Variants in GRM5 observed in about 807,000 individuals in gnomAD.
GRM5 encodes glutamate metabotropic receptor 5.
In GRM5, 19 loss-of-function variants were observed where a neutral mutation model predicts 83.1. The observed-to-expected ratio is 0.23, with a 90% CI of 0.16 to 0.34. GRM5 has a LOEUF of 0.34. GRM5 is among the 10% of genes least tolerant of loss of function. GRM5 has a pLI of 1.00. For missense variants in GRM5, 1,160 were observed against 1,588.3 expected, an observed-to-expected ratio of 0.73 and a Z score of 4.58; for synonymous variants, 675 against 633.6, an observed-to-expected ratio of 1.07 and a Z score of -0.98.
intron 6 of GRM5, among the ~76,000 whole-genome samples, chr11:88,592,980 T>C (rs186058295): frequency 5.9e-5 from 9 of 152,168 alleles, no homozygotes; most frequent in African/African-American, 1.7e-4. Context: ...TGCCCAATTA[T>C]TTTTGTTCCT....
At position 88,971,687 on chromosome 11, in the gene GRM5, T is replaced by C. The variant is rs138853897; in HGVS notation, c.661+75525A>G. On this transcript the variant is annotated intron_variant, in intron 2 of 9. Coordinates refer to ENST00000305447, the MANE Select transcript of GRM5 (RefSeq NM_001143831.3). ...TTTTTAAAATCCAGTTTATTGTTAATGGGCATTTAGGTTGATTCCATATCT... is the reference window on the plus strand; with the variant it reads ...TTTTTAAAATCCAGTTTATTGTTAACGGGCATTTAGGTTGATTCCATATCT... Among the ~76,000 whole-genome samples the C allele has an allele frequency of 4.6e-4, 70 of 152,284 alleles. 1 individual carries two copies. The East Asian group carries it at 0.012, about 26-fold the overall frequency.
chr11:88,710,629 A>G (rs898344339), intron 3 of GRM5, among the ~76,000 whole-genome samples: 1 of 152,136 alleles, frequency 6.6e-6, no homozygotes, highest in Admixed American at 6.6e-5. Flanking sequence ...AAAAATTTGA[A>G]GAAGGCAGTC....
chr11:88,793,176 T>A (rs1165758408), intron 3 of GRM5, among the ~76,000 whole-genome samples: 1 of 152,132 alleles, frequency 6.6e-6, no homozygotes, highest in African/African-American at 2.4e-5. Flanking sequence ...CAATCCTAAC[T>A]GAAAGCACAA....
At chr11:89,001,284 G>C (rs1174836957) in intron 2 of GRM5, among the ~76,000 whole-genome samples, 1 of 151,924 alleles carries the variant, frequency 6.6e-6, no homozygotes, top group Non-Finnish European at 1.5e-5. Context: ...GTTCACAGCA[G>C]AATTATTTGT....
chr11:88,698,775 G>T (rs1346694995), intron 3 of GRM5, among the ~76,000 whole-genome samples: 1 of 152,124 alleles, frequency 6.6e-6, no homozygotes, highest in Non-Finnish European at 1.5e-5. Context: ...AAATTTTCAG[G>T]TCTTGGCATT....
chr11:88,562,005 T>C (rs1298040236), intron 8 of GRM5, among the ~76,000 whole-genome samples: 1 of 152,142 alleles, frequency 6.6e-6, no homozygotes, highest in African/African-American at 2.4e-5. Context: ...ACTAAAGATA[T>C]GAACTACTCT....
At chr11:88,727,258 T>C (rs1941706160) in intron 3 of GRM5, among the ~76,000 whole-genome samples, 1 of 151,932 alleles carries the variant, frequency 6.6e-6, no homozygotes, top group African/African-American at 2.4e-5. Flanking sequence ...TAAAACAGAC[T>C]TTAAACCAAC....
intron 3 of GRM5, among the ~76,000 whole-genome samples, chr11:88,697,311 T>G (rs1271804841): frequency 2.0e-5 from 3 of 152,184 alleles, no homozygotes; most frequent in Non-Finnish European, 4.4e-5. Flanking sequence ...AGTAGTGCCA[T>G]GATGACCCTT....
At position 88,830,507 on chromosome 11, in the gene GRM5, C is replaced by A. The variant is rs552053728; in HGVS notation, c.911+19399G>T. On this transcript the variant is annotated intron_variant, in intron 3 of 9. Transcript: ENST00000305447. ...TTCAACAGAGAAGTAACAGAAAACA[C>A]CTAAGGCAGAAAGGAAAGGGAAGTG... 3.3e-5 allele frequency among the ~76,000 whole-genome samples: 5 copies of A among 152,216 alleles called. No individual in the cohort carries two copies. In the East Asian group the frequency reaches 7.7e-4, roughly 23 times the overall value.
chr11:89,056,333 A>G (rs953616906), intron 1 of GRM5, among the ~76,000 whole-genome samples: 3 of 152,166 alleles, frequency 2.0e-5, no homozygotes, highest in Admixed American at 6.6e-5. Flanking sequence ...TCTTGCTTCT[A>G]TATAAGTTCC....
chr11:88,791,112 G>T (rs947391821), intron 3 of GRM5, among the ~76,000 whole-genome samples: 2 of 152,288 alleles, frequency 1.3e-5, no homozygotes. Flanking sequence ...TAAACCAGTA[G>T]CATGAACAGG....
chr11:88,691,522 T>C (rs1295031442), intron 3 of GRM5, among the ~76,000 whole-genome samples: 1 of 152,206 alleles, frequency 6.6e-6, no homozygotes, highest in Non-Finnish European at 1.5e-5. Context: ...CCAATATCTC[T>C]TTATCATTGA....
At chr11:88,976,473 A>G (rs1939339311) in intron 2 of GRM5, among the ~76,000 whole-genome samples, 1 of 152,078 alleles carries the variant, frequency 6.6e-6, no homozygotes, top group Non-Finnish European at 1.5e-5. Flanking sequence ...TCCAATAAAT[A>G]GATATAATAT....
chr11:89,039,355 T>C (rs983167967), intron 2 of GRM5, among the ~76,000 whole-genome samples: 5 of 151,916 alleles, frequency 3.3e-5, no homozygotes, highest in Non-Finnish European at 5.9e-5. Flanking sequence ...ATTGTCAACA[T>C]TGGGAATTAT....
intron 2 of GRM5, among the ~76,000 whole-genome samples, chr11:89,038,545 A>G (rs987300879): frequency 1.4e-4 from 22 of 152,184 alleles, no homozygotes; most frequent in African/African-American, 5.1e-4. Context: ...TTTTCATCAG[A>G]CTCACAAAGA....
chr11:88,767,535 G>C (rs1389388312), intron 3 of GRM5, among the ~76,000 whole-genome samples: 2 of 151,982 alleles, frequency 1.3e-5, no homozygotes, highest in Non-Finnish European at 2.9e-5. Flanking sequence ...CAACATGTGT[G>C]AAGCTGGAGG....
intron 3 of GRM5, among the ~76,000 whole-genome samples, chr11:88,690,816 C>A (rs1360712094): frequency 6.6e-6 from 1 of 152,188 alleles, no homozygotes; most frequent in African/African-American, 2.4e-5. Flanking sequence ...GTACAACCTG[C>A]ACTGAGAATT....
At chr11:88,518,750 C>T (rs929637683) in intron 9 of GRM5, among the ~76,000 whole-genome samples, 5 of 151,690 alleles carry the variant, frequency 3.3e-5, no homozygotes, top group African/African-American at 1.2e-4. Flanking sequence ...TAGACTATTG[C>T]TCTTGCAGGT....
At chr11:88,882,453 C>T (rs779933314) in intron 2 of GRM5, among the ~76,000 whole-genome samples, 80 of 148,824 alleles carry the variant, frequency 5.4e-4, no homozygotes, top group Non-Finnish European at 9.0e-4. Context: ...CCCAGCTACT[C>T]GGGAGGCTGG....
Sources: gnomAD v4.1 joint callset for allele counts (sites outside exome capture counted in the v4.1 genomes callset) on GRCh38, gnomAD v4.1.1 for gene constraint, MANE v1.5 for transcripts, NCBI Gene and HGNC (gene_info 2026-07-23, HGNC 2026-07-21) for gene names.